LRMDA: variants seen among roughly 807,000 people sequenced by gnomAD.
The protein encoded by LRMDA is leucine rich melanocyte differentiation associated, also known as leucine-rich melanocyte differentiation-associated protein.
LRMDA carries 18 observed loss-of-function variants against 29.8 expected under a neutral mutation model. The ratio of observed to expected loss-of-function variants is 0.60; its 90% CI spans 0.42 to 0.90. The LOEUF (loss-of-function observed/expected upper bound fraction) is 0.90. LRMDA is among the 40% of genes least tolerant of loss of function. The probability of loss-of-function intolerance (pLI) is 0.00; values close to 1 mark genes in which losing one functional copy is unlikely to be tolerated. For synonymous variants in LRMDA, 125 were observed against 109.4 expected, an observed-to-expected ratio of 1.14 and a Z score of -0.89; for missense variants, 273 against 273.9, an observed-to-expected ratio of 1.00 and a Z score of 0.02.
chr10:75,469,163 A>G (rs1589152595), intron 2 of LRMDA, among the ~76,000 whole-genome samples: 1 of 152,022 alleles, frequency 6.6e-6, no homozygotes, highest in South Asian at 2.1e-4. Context: ...GGCTTTTTAG[A>G]AACTCCAAGA....
At chr10:76,387,581 G>A (rs1313920811) in intron 6 of LRMDA, among the ~76,000 whole-genome samples, 1 of 151,136 alleles carries the variant, frequency 6.6e-6, no homozygotes, top group African/African-American at 2.4e-5. Context: ...CCAGCCTGGG[G>A]GACAGAATGA....
chr10:75,660,092 C>T (rs1222976468), intron 2 of LRMDA, among the ~76,000 whole-genome samples: 1 of 152,166 alleles, frequency 6.6e-6, no homozygotes, highest in Non-Finnish European at 1.5e-5. Flanking sequence ...TCTTTACACA[C>T]ACACAGGCAC....
intron 2 of LRMDA, among the ~76,000 whole-genome samples, chr10:75,672,558 CCCCTCCCCTTCCCTTCCCTTCCCTT>C (rs1841908731): frequency 1.3e-4 from 2 of 15,040 alleles, no homozygotes; most frequent in South Asian, 6.8e-3. Context: ...CCCCTCCCCT[CCCCTCCCCTTCCCTTCCCTTCCCTT>C]CCCTGCTTTT....
At chr10:76,338,387 A>AATAAATAC in intron 6 of LRMDA, among the ~76,000 whole-genome samples, 1 of 136,068 alleles carries the variant, frequency 7.3e-6, no homozygotes, top group Non-Finnish European at 1.5e-5. Context: ...TAAATAAATA[A>AATAAATAC]ATAAATAAAT....
intron 2 of LRMDA, among the ~76,000 whole-genome samples, chr10:75,629,132 A>G (rs73278956): frequency 0.016 from 2,425 of 152,212 alleles, 55 homozygotes; most frequent in African/African-American, 0.052. Context: ...CAGTTACCTC[A>G]CTGTGACTCC....
intron 6 of LRMDA, among the ~76,000 whole-genome samples, chr10:76,385,732 T>C (rs940536649): frequency 2.0e-5 from 3 of 152,212 alleles, no homozygotes; most frequent in African/African-American, 7.2e-5. Context: ...GAGTGAACTC[T>C]TTCTTCTTTG....
At chr10:75,927,840 C>T (rs377037113) in intron 2 of LRMDA, among the ~76,000 whole-genome samples, 164 of 152,276 alleles carry the variant, frequency 1.1e-3, no homozygotes, top group Middle Eastern at 3.4e-3. Flanking sequence ...GCCCAGCAGG[C>T]CTGGGTTCAA....
intron 2 of LRMDA, among the ~76,000 whole-genome samples, chr10:76,014,108 A>ATATATATATATATATAAT (rs1162311407): frequency 5.8e-5 from 7 of 121,186 alleles, no homozygotes; most frequent in South Asian, 5.7e-4. Flanking sequence ...AAAAAAAAGT[A>ATATATATATATATATAAT]TATATATATA....
At chr10:76,011,250 G>A (rs1174380589) in intron 2 of LRMDA, among the ~76,000 whole-genome samples, 1 of 152,152 alleles carries the variant, frequency 6.6e-6, no homozygotes, top group Non-Finnish European at 1.5e-5. Flanking sequence ...TCTGAAGGAG[G>A]ATTTTCATCC....
intron 2 of LRMDA, among the ~76,000 whole-genome samples, chr10:75,737,175 C>T (rs898801440): frequency 6.6e-6 from 1 of 152,222 alleles, no homozygotes; most frequent in African/African-American, 2.4e-5. Context: ...CTTGGATCAG[C>T]TCCCTAAATT....
chr10:75,697,145 G>A (rs1842244866), intron 2 of LRMDA, among the ~76,000 whole-genome samples: 1 of 152,070 alleles, frequency 6.6e-6, no homozygotes, highest in African/African-American at 2.4e-5. Context: ...AGATCAGTAG[G>A]AACTCCACCA....
Position 75,508,357 on chromosome 10 carries a change from G to C in LRMDA, c.131+69863G>C, listed in dbSNP as rs1176780128. Among the ~76,000 whole-genome samples the C allele has an allele frequency of 2.6e-5, 4 of 152,096 alleles. No individual in the cohort carries two copies. In the East Asian group the frequency reaches 7.7e-4, roughly 29 times the overall value. ...AGGAGAGTCAGATTTGCCATAACATGACATTACCTATCAGCTTGTCAGGTC... is the reference window on the plus strand; with the variant it reads ...AGGAGAGTCAGATTTGCCATAACATCACATTACCTATCAGCTTGTCAGGTC... On this transcript the variant is annotated intron_variant, in intron 2 of 6. Coordinates refer to ENST00000611255, the MANE Select transcript of LRMDA (RefSeq NM_001305581.2).
chr10:76,048,017 C>T (rs1479119742), intron 4 of LRMDA, among the ~76,000 whole-genome samples: 1 of 152,180 alleles, frequency 6.6e-6, no homozygotes, highest in Admixed American at 6.5e-5. Flanking sequence ...CCAAAGTCAC[C>T]TAATTTTCCT....
chr10:76,268,588 T>G (rs1840032081), intron 5 of LRMDA, among the ~76,000 whole-genome samples: 1 of 152,230 alleles, frequency 6.6e-6, no homozygotes, highest in African/African-American at 2.4e-5. Flanking sequence ...TACCTTCATT[T>G]AGAACTGTGG....
intron 5 of LRMDA, among the ~76,000 whole-genome samples, chr10:76,250,826 C>T (rs1484076296): frequency 6.6e-6 from 1 of 152,172 alleles, no homozygotes; most frequent in Non-Finnish European, 1.5e-5. Context: ...GGGATTTATG[C>T]CTGGGACCTG....
intron 2 of LRMDA, among the ~76,000 whole-genome samples, chr10:75,554,467 G>T (rs1245413778): frequency 6.6e-6 from 1 of 152,162 alleles, no homozygotes; most frequent in Non-Finnish European, 1.5e-5. Flanking sequence ...ATTTCTAATG[G>T]CATTAATCAA....
chr10:76,532,778 T>C (rs1454107513), intron 6 of LRMDA, among the ~76,000 whole-genome samples: 1 of 152,220 alleles, frequency 6.6e-6, no homozygotes, highest in African/African-American at 2.4e-5. Flanking sequence ...TTTCAGCTTT[T>C]CCTAGGGTTA....
chr10:75,929,552 G>A (rs1564609835), intron 2 of LRMDA, among the ~76,000 whole-genome samples: 2 of 152,156 alleles, frequency 1.3e-5, no homozygotes, highest in East Asian at 3.9e-4. Flanking sequence ...CAGAGTAGAG[G>A]GATCATACTG....
At chr10:75,957,115 C>A (rs1846676476) in intron 2 of LRMDA, among the ~76,000 whole-genome samples, 1 of 152,200 alleles carries the variant, frequency 6.6e-6, no homozygotes. Flanking sequence ...GGGAAACAAT[C>A]CATGAATGAG....
Sources: allele counts gnomAD v4.1 joint callset (sites outside exome capture counted in the v4.1 genomes callset), GRCh38; gene constraint gnomAD v4.1.1; transcripts MANE v1.5; gene names NCBI Gene and HGNC (gene_info 2026-07-23, HGNC 2026-07-21).